The following HELZ variants were observed in gnomAD, a reference collection of about 807,000 sequenced individuals.
HELZ encodes ATP-dependent RNA helicase with zinc finger domain.
A neutral mutation model predicts 218.2 loss-of-function variants in HELZ; 23 were observed. The observed-to-expected ratio is 0.11, with a 90% CI of 0.08 to 0.15. HELZ has a LOEUF of 0.15. Among genes scored for constraint, HELZ ranks in the 10% least tolerant of loss-of-function variants. The pLI, the probability that HELZ is intolerant of heterozygous loss-of-function variation, is 1.00. For missense variants in HELZ, 1,813 were observed against 2,353.7 expected (o/e 0.77, Z 4.75); for synonymous variants, 814 against 829.4 (o/e 0.98, Z 0.32).
rs553529005 is a variant in HELZ at position 67,177,729 on chromosome 17, T to C, written c.1430+930A>G. ...AATGAAAAATAGATTCCATCTGACTTTGTAAATTTTACATGTATTTAATTT... is the reference window on the plus strand; with the variant it reads ...AATGAAAAATAGATTCCATCTGACTCTGTAAATTTTACATGTATTTAATTT... On this transcript the variant is annotated intron_variant, in intron 13 of 32. Transcript: ENST00000358691. 4.6e-5 allele frequency among the ~76,000 whole-genome samples: 7 copies of C among 152,192 alleles called. No homozygotes were observed. In the South Asian group the frequency reaches 1.2e-3, roughly 27 times the overall value.
chr17:67,101,665 G>A (rs981704594), intron 31 of HELZ, among the ~76,000 whole-genome samples: 2 of 152,152 alleles, frequency 1.3e-5, no homozygotes, highest in Non-Finnish European at 2.9e-5. Flanking sequence ...TGGAAGCTCA[G>A]AGGTCAAGAA....
intron 5 of HELZ, among the ~76,000 whole-genome samples, chr17:67,207,908 C>G (rs1050647099): frequency 2.0e-5 from 3 of 152,096 alleles, no homozygotes; most frequent in African/African-American, 7.2e-5. Context: ...TCTTGGGAGG[C>G]TGACTGCTTG....
intron 20 of HELZ, 98 bp from the exon 21 acceptor site, chr17:67,145,988 C>T (rs907364002): frequency 3.9e-6 from 4 of 1,032,260 alleles, no homozygotes; most frequent in East Asian, 2.6e-5. Context: ...ATAATATTGC[C>T]TTATGTCCAT....
chr17:67,206,337 A>T (rs2040296207), intron 5 of HELZ, among the ~76,000 whole-genome samples: 1 of 152,218 alleles, frequency 6.6e-6, no homozygotes, highest in Non-Finnish European at 1.5e-5. Flanking sequence ...TAACACTTGA[A>T]ATATGTCTTA....
At chr17:67,124,936 T>C (rs1423656142) in intron 24 of HELZ, among the ~76,000 whole-genome samples, 2 of 151,958 alleles carry the variant, frequency 1.3e-5, no homozygotes, top group Non-Finnish European at 2.9e-5. Context: ...TGAGGAAAAG[T>C]AGCACATTGC....
chr17:67,208,196 C>T (rs559843103), intron 5 of HELZ, among the ~76,000 whole-genome samples: 1 of 151,672 alleles, frequency 6.6e-6, no homozygotes, highest in Admixed American at 6.6e-5. Flanking sequence ...GAGTGTGACT[C>T]TAAAGGAATA....
upstream of HELZ, chr17:67,245,318 A>G (rs1380899086): frequency 2.6e-6 from 2 of 777,090 alleles, no homozygotes; most frequent in Non-Finnish European, 3.1e-6. Flanking sequence ...CCCCGGGTGG[A>G]CTGCCGACCC....
intron 5 of HELZ, among the ~76,000 whole-genome samples, chr17:67,205,939 A>C (rs1177911066): frequency 6.6e-6 from 1 of 152,256 alleles, no homozygotes; most frequent in Admixed American, 6.5e-5. Context: ...CATATAAAAA[A>C]CTATGGCATA....
At chr17:67,111,705 T>C (rs2037285083) in intron 28 of HELZ, among the ~76,000 whole-genome samples, 1 of 152,186 alleles carries the variant, frequency 6.6e-6, no homozygotes, top group Non-Finnish European at 1.5e-5. Flanking sequence ...ATAAATTATC[T>C]ACAAAAAGAA....
chr17:67,243,614 C>G (rs1452633546), intron 2 of HELZ, among the ~76,000 whole-genome samples, 170 bp downstream of exon 2: 3 of 152,186 alleles, frequency 2.0e-5, no homozygotes, highest in South Asian at 2.1e-4. Context: ...TTGGTACATT[C>G]AACATATTTT....
In HELZ at chr17:67,078,194, A is replaced by T; in HGVS notation, c.*58T>A. The stretch of plus-strand genomic sequence containing the variant: ...TCTATAGATGAAGTCCAACTACCTT[A>T]ATTCTACTGATACAAACAGAAATTA... On this transcript the variant is annotated 3_prime_UTR_variant, in exon 33 of 33. Coordinates refer to ENST00000358691, the MANE Select transcript of HELZ (RefSeq NM_014877.4). The T allele has an allele frequency of 8.0e-7, 1 of 1,243,892 alleles. No homozygotes were observed. The highest frequency in any genetic ancestry group is 1.2e-6 in the Non-Finnish European group (1 of 853,988). The allele number at this position is 1,243,892 out of a possible 1,614,324, so 77.1% of individuals were successfully genotyped here.
intron 5 of HELZ, among the ~76,000 whole-genome samples, chr17:67,210,121 G>A (rs2143205597): frequency 6.6e-6 from 1 of 152,324 alleles, no homozygotes; most frequent in South Asian, 2.1e-4. Context: ...CTACTGGGGA[G>A]GCTGAAGCAG....
chr17:67,229,937 C>T (rs1164379392), intron 3 of HELZ, among the ~76,000 whole-genome samples: 10 of 152,144 alleles, frequency 6.6e-5, no homozygotes, highest in Middle Eastern at 3.2e-3. Context: ...ACCGTGGTCT[C>T]TTTTGAATAA....
At chr17:67,214,517 C>T (rs543251343) in intron 5 of HELZ, among the ~76,000 whole-genome samples, 13 of 151,738 alleles carry the variant, frequency 8.6e-5, no homozygotes, top group Middle Eastern at 3.4e-3. Context: ...CCACCCACCT[C>T]GGCCTCCCCA....
At chr17:67,243,525 G>C (rs544253197) in intron 2 of HELZ, among the ~76,000 whole-genome samples, 2 of 152,298 alleles carry the variant, frequency 1.3e-5, no homozygotes, top group Admixed American at 1.3e-4. Flanking sequence ...TGAAGATACT[G>C]ATCAAGAATA....
At chr17:67,236,533 CTT>C (rs1449159041) in intron 3 of HELZ, among the ~76,000 whole-genome samples, 1 of 152,004 alleles carries the variant, frequency 6.6e-6, no homozygotes, top group Non-Finnish European at 1.5e-5. Context: ...CATAAAAAGA[CTT>C]AGGTAAATTG....
At position 67,127,619 on chromosome 17, in the gene HELZ, G is replaced by A. The variant is rs1337888229; in HGVS notation, c.3387+1032C>T. On this transcript the variant is annotated intron_variant, in intron 24 of 32. Transcript: ENST00000358691. ...TCCCAGCACTTTGGGAAGCCAAGGC[G>A]TGCAGATCACCTGAGCCCCGGAGTT... is the stretch of plus-strand genomic sequence containing the variant. Among the ~76,000 whole-genome samples the A allele has an allele frequency of 2.0e-5, 3 of 152,160 alleles. No individual in the cohort carries two copies. The East Asian group carries it at 5.8e-4, about 29-fold the overall frequency.
Position 67,087,067 on chromosome 17 carries a change from T to C in HELZ, c.5256A>G (p.Gly1752=). Residue 1752 remains glycine (G), a synonymous_variant, in exon 32 of 33, where the codon GGA becomes GGG. Coordinates refer to ENST00000358691, the MANE Select transcript of HELZ (RefSeq NM_014877.4). ...LPSLEEYEPR[G]PGRPLYQRRI... ...TTCTTTGGTACAAGGGCCGACCAGG[T>C]CCTCTGGGCTCATACTACACAAAGA... 1.2e-6 allele frequency: 2 copies of C among 1,613,946 alleles called. No homozygotes were observed. The highest frequency in any genetic ancestry group is 1.7e-6 in the Non-Finnish European group (2 of 1,179,860).
At chr17:67,140,409 T>C (rs999304520) in intron 21 of HELZ, among the ~76,000 whole-genome samples, 4 of 152,190 alleles carry the variant, frequency 2.6e-5, no homozygotes, top group Non-Finnish European at 5.9e-5. Context: ...GAGCAATTTA[T>C]GCCCCCAGGA....
Sources: allele counts gnomAD v4.1 joint callset (sites outside exome capture counted in the v4.1 genomes callset), GRCh38; gene constraint gnomAD v4.1.1; transcripts MANE v1.5; gene names NCBI Gene and HGNC (gene_info 2026-07-23, HGNC 2026-07-21).